Variants in ANK3 observed in about 807,000 individuals in gnomAD.
ANK3 encodes ankyrin-3.
A neutral mutation model predicts 370.9 loss-of-function variants in ANK3; 57 were observed. That is an observed-to-expected ratio of 0.15 (90% CI 0.12 to 0.19). The LOEUF (loss-of-function observed/expected upper bound fraction) is 0.19, where lower values mean the gene tolerates loss of function less well. ANK3 is among the 10% of genes least tolerant of loss of function. The pLI is 1.00. For missense variants in ANK3, 4,439 were observed against 5,302.1 expected (o/e 0.84, Z 5.06); for synonymous variants, 1,929 against 1,946.3 (o/e 0.99, Z 0.23).
intron 2 of ANK3, among the ~76,000 whole-genome samples, chr10:60,501,014 G>A (rs2075782106): frequency 6.6e-6 from 1 of 152,054 alleles, no homozygotes; most frequent in South Asian, 2.1e-4. Flanking sequence ...ATAGTCCCAA[G>A]TTAATCAACC....
intron 1 of ANK3, among the ~76,000 whole-genome samples, chr10:60,701,861 C>A (rs1000016854): frequency 1.3e-5 from 2 of 151,860 alleles, no homozygotes; most frequent in Non-Finnish European, 2.9e-5. Context: ...AAAAATTAAA[C>A]CATAAGCTCT....
At chr10:60,140,231 C>T in intron 23 of ANK3, 4 of 1,064,590 alleles carry the variant, frequency 3.8e-6, no homozygotes, top group Non-Finnish European at 5.8e-6. Flanking sequence ...GATCAACTTT[C>T]TACTGCTGCT....
chr10:60,439,486 C>T, intron 2 of ANK3, among the ~76,000 whole-genome samples: 1 of 151,812 alleles, frequency 6.6e-6, no homozygotes, highest in East Asian at 1.9e-4. Context: ...CACAGTGAGC[C>T]CTCATTTCTA....
rs72824130 is a variant in ANK3, at chr10:60,353,564, A to C, written c.114+35861T>G. ...AACTGAGCCTACTCTCCTGTGAGGG[A>C]ACTCTGTTTTGAAGATGCTAGATGT... On this transcript the variant is annotated intron_variant, in intron 1 of 43. Transcript: ENST00000280772. Among the ~76,000 whole-genome samples the C allele has an allele frequency of 5.2e-3, 785 of 152,094 alleles. 4 individuals carry two copies. The highest frequency in any genetic ancestry group is 0.011 in the South Asian group (54 of 4,818).
At chr10:60,467,946 T>A (rs1235165764) in intron 2 of ANK3, among the ~76,000 whole-genome samples, 3 of 151,876 alleles carry the variant, frequency 2.0e-5, no homozygotes, top group Non-Finnish European at 4.4e-5. Context: ...AAAGTTAAAT[T>A]TAATATTTCA....
chr10:60,298,199 G>T (rs1566367978), intron 1 of ANK3, among the ~76,000 whole-genome samples: 1 of 151,914 alleles, frequency 6.6e-6, no homozygotes, highest in Non-Finnish European at 1.5e-5. Flanking sequence ...TTTTTCATGA[G>T]CATTATTGAA....
chr10:60,322,605 C>CT lies in ANK3; in HGVS notation c.115-42967dup, dbSNP rs113368404. 8.5e-3 allele frequency among the ~76,000 whole-genome samples: 1,288 copies of CT among 151,896 alleles called. 12 individuals carry two copies. Among genetic ancestry groups the CT allele is most frequent in the Middle Eastern group, 0.027 (8 of 294 alleles). On this transcript the variant is annotated intron_variant, in intron 1 of 43. Transcript: ENST00000280772. ...CCCAAGGCCTTTTCTCATTAATCAA[C>CT]TTTTTTAAGCATCCGTGCAACTCTC... is the stretch of plus-strand genomic sequence containing the variant.
At chr10:60,390,376 G>T (rs1389378568), upstream of ANK3, among the ~76,000 whole-genome samples, 1 of 152,126 alleles carries the variant, frequency 6.6e-6, no homozygotes, top group Non-Finnish European at 1.5e-5. Flanking sequence ...GGTTCCCCAG[G>T]ACTCTCCTCT....
intron 42 of ANK3, among the ~76,000 whole-genome samples, chr10:60,050,110 A>G (rs1388388406): frequency 6.6e-6 from 1 of 152,204 alleles, no homozygotes; most frequent in Non-Finnish European, 1.5e-5. Flanking sequence ...AAACTCAGAA[A>G]AACAGAATCA....
At chr10:60,050,957 T>C (rs901131579) in intron 42 of ANK3, among the ~76,000 whole-genome samples, 2 of 151,992 alleles carry the variant, frequency 1.3e-5, no homozygotes, top group African/African-American at 4.8e-5. Context: ...CATATATCCA[T>C]GCCAGGTTAT....
chr10:60,149,906 G>A (rs569206412), intron 23 of ANK3, among the ~76,000 whole-genome samples: 1 of 152,144 alleles, frequency 6.6e-6, no homozygotes, highest in South Asian at 2.1e-4. Context: ...ACAGGGTTTC[G>A]CCATGTTGGC....
intron 2 of ANK3, among the ~76,000 whole-genome samples, chr10:60,403,329 C>A (rs907280046): frequency 9.2e-5 from 14 of 152,164 alleles, no homozygotes; most frequent in Admixed American, 2.6e-4. Context: ...AATGAGGACA[C>A]TTCAATTTGT....
chr10:60,395,549 CCTCTTTCT>C (rs1194296764), intron 2 of ANK3, among the ~76,000 whole-genome samples: 2,990 of 119,086 alleles, frequency 0.025, 98 homozygotes, highest in Admixed American at 0.074. Context: ...AACTACTATG[CCTCTTTCT>C]TTCTTTCTTT....
At chr10:60,044,902 CTG>C (rs1431030079) in intron 42 of ANK3, 1 of 152,144 alleles carries the variant, frequency 6.6e-6, no homozygotes, top group African/African-American at 2.4e-5. Context: ...ATCTTGAAGA[CTG>C]AATCTTTCAT....
At chr10:60,459,700 A>G (rs2064835876) in intron 2 of ANK3, among the ~76,000 whole-genome samples, 1 of 152,180 alleles carries the variant, frequency 6.6e-6, no homozygotes, top group Admixed American at 6.6e-5. Context: ...AGTAAAATGC[A>G]GCTTCTTTCT....
chr10:60,548,206 C>CTTTTT (rs537459971), intron 2 of ANK3, among the ~76,000 whole-genome samples: 3 of 88,342 alleles, frequency 3.4e-5, no homozygotes, highest in African/African-American at 4.3e-5. Flanking sequence ...TAAATATTTC[C>CTTTTT]TTTTTTTTTT....
intron 2 of ANK3, among the ~76,000 whole-genome samples, chr10:60,419,735 GA>G (rs1186032067): frequency 6.6e-6 from 1 of 152,112 alleles, no homozygotes; most frequent in Non-Finnish European, 1.5e-5. Flanking sequence ...TTTTAAAAGA[GA>G]AAACAGACAC....
At chr10:60,406,686 T>C (rs1346494867) in intron 2 of ANK3, among the ~76,000 whole-genome samples, 1 of 152,192 alleles carries the variant, frequency 6.6e-6, no homozygotes, top group African/African-American at 2.4e-5. Context: ...AGTTAGGTTT[T>C]CTCATTAAAG....
chr10:60,083,087 T>G (rs1019002327), intron 33 of ANK3, among the ~76,000 whole-genome samples: 1 of 152,162 alleles, frequency 6.6e-6, no homozygotes, highest in African/African-American at 2.4e-5. Flanking sequence ...TTTTCCTCTC[T>G]CCTTCTGTTC....
Sources: allele counts gnomAD v4.1 joint callset (sites outside exome capture counted in the v4.1 genomes callset), GRCh38; gene constraint gnomAD v4.1.1; transcripts MANE v1.5; gene names NCBI Gene and HGNC (gene_info 2026-07-23, HGNC 2026-07-21).